The following JAM3 variants were observed in gnomAD, a reference collection of about 807,000 sequenced individuals.
The protein encoded by JAM3 is junctional adhesion molecule C.
JAM3 carries 31 observed loss-of-function variants against 39.4 expected under a neutral mutation model. The ratio of observed to expected loss-of-function variants is 0.79; its 90% CI spans 0.59 to 1.06. The LOEUF is 1.06. Ranked by LOEUF, JAM3 falls within the 50% of genes least tolerant of loss-of-function variation. JAM3 has a pLI of 0.00. For missense variants in JAM3, 455 were observed against 391.4 expected (o/e 1.16, Z -1.37); for synonymous variants, 182 against 148.7 (o/e 1.22, Z -1.63).
chr11:134,127,105 A>G (rs1279095180), intron 1 of JAM3, among the ~76,000 whole-genome samples: 1 of 152,252 alleles, frequency 6.6e-6, no homozygotes, highest in Non-Finnish European at 1.5e-5. Context: ...ATGAAGTCAT[A>G]GGAAGAAGAA....
chr11:134,125,365 C>CA (rs2120793303), intron 1 of JAM3, among the ~76,000 whole-genome samples: 1 of 152,298 alleles, frequency 6.6e-6, no homozygotes, highest in East Asian at 1.9e-4. Context: ...GGGTTTTACT[C>CA]AAACAATGGG....
chr11:134,089,539 A>C (rs1427844898), intron 1 of JAM3, among the ~76,000 whole-genome samples: 4 of 151,840 alleles, frequency 2.6e-5, no homozygotes, highest in Admixed American at 6.6e-5. Context: ...ATTCCCACCT[A>C]TGAGTGAGAA....
In JAM3 at chr11:134,149,803, C is replaced by T; in HGVS notation, c.*622C>T. On this transcript the variant is annotated 3_prime_UTR_variant, in exon 9 of 9. Transcript: ENST00000299106. ...ATTGGTTGCTGGAAGAGGGATCTTG[C>T]CTGAGGAACCCTGCTTGTCCAACAG... 2 of 390,184 alleles carry T rather than the reference C, an allele frequency of 5.1e-6. No individual in the cohort carries two copies. Among genetic ancestry groups the T allele is most frequent in the East Asian group, 7.5e-5 (1 of 13,306 alleles). 24.2% of individuals were successfully genotyped at this position (390,184 alleles called of 1,614,324 possible).
intron 1 of JAM3, among the ~76,000 whole-genome samples, chr11:134,075,912 C>G (rs915507233): frequency 3.9e-5 from 6 of 152,004 alleles, no homozygotes. Context: ...TACTGTTAAC[C>G]TCCTTTGTCA....
In JAM3 at chr11:134,149,741, C is replaced by A. The variant is rs1363748726; in HGVS notation, c.*560C>A. The A allele has an allele frequency of 6.8e-6, 3 of 440,682 alleles. No individual in the cohort carries two copies. The highest frequency in any genetic ancestry group is 2.0e-5 in the African/African-American group (1 of 49,452). The allele number at this position is 440,682 out of a possible 1,614,324, so 27.3% of individuals were successfully genotyped here. The stretch of plus-strand genomic sequence containing the variant: ...TCCATTGTGGAGAAGCTTTTTGGAT[C>A]AGCATTTTGTAAAAACAACCAAAAT... On this transcript the variant is annotated 3_prime_UTR_variant, in exon 9 of 9. Transcript: ENST00000299106.
chr11:134,129,266 G>A (rs545314421), intron 1 of JAM3, among the ~76,000 whole-genome samples: 5 of 151,844 alleles, frequency 3.3e-5, no homozygotes, highest in East Asian at 1.9e-4. Flanking sequence ...ATAGGCACCC[G>A]CCACCATGCC....
intron 1 of JAM3, among the ~76,000 whole-genome samples, chr11:134,134,422 A>C (rs1200688590): frequency 2.1e-4 from 30 of 142,880 alleles, no homozygotes; most frequent in Non-Finnish European, 3.9e-4. Context: ...AAAAAAAAAA[A>C]CATCTAGGCA....
At chr11:134,129,254 C>T (rs1472170782) in intron 1 of JAM3, among the ~76,000 whole-genome samples, 1 of 151,786 alleles carries the variant, frequency 6.6e-6, no homozygotes, top group African/African-American at 2.4e-5. Flanking sequence ...GTAGATGGGA[C>T]TATAGGCACC....
chr11:134,114,298 A>G (rs914951967), intron 1 of JAM3, among the ~76,000 whole-genome samples: 4 of 152,094 alleles, frequency 2.6e-5, no homozygotes, highest in Non-Finnish European at 5.9e-5. Context: ...GTTTTCTTCT[A>G]GGGTTTTTAT....
At chr11:134,089,657 C>CAAA (rs1941807950) in intron 1 of JAM3, among the ~76,000 whole-genome samples, 1 of 152,174 alleles carries the variant, frequency 6.6e-6, no homozygotes, top group African/African-American at 2.4e-5. Context: ...TTTATGGCTG[C>CAAA]ATAGTATTCC....
chr11:134,122,253 T>C (rs938642049), intron 1 of JAM3, among the ~76,000 whole-genome samples: 1 of 152,106 alleles, frequency 6.6e-6, no homozygotes, highest in African/African-American at 2.4e-5. Flanking sequence ...GCTAACAAAA[T>C]GGGAGGCTTA....
intron 1 of JAM3, among the ~76,000 whole-genome samples, chr11:134,107,976 GAAAACA>G (rs1453397855): frequency 6.6e-6 from 1 of 151,854 alleles, no homozygotes; most frequent in African/African-American, 2.4e-5. Flanking sequence ...TGAGACTTCA[GAAAACA>G]AAAACAACAG....
At chr11:134,132,780 C>T (rs540203574) in intron 1 of JAM3, among the ~76,000 whole-genome samples, 8 of 152,218 alleles carry the variant, frequency 5.3e-5, no homozygotes, top group South Asian at 2.1e-4. Context: ...ATAAAACTCA[C>T]GAGAATGTCT....
chr11:134,071,574 C>T (rs1262449108), intron 1 of JAM3, among the ~76,000 whole-genome samples: 1 of 152,126 alleles, frequency 6.6e-6, no homozygotes, highest in Admixed American at 6.6e-5. Flanking sequence ...GTTTCCAAAT[C>T]TTTGATATTC....
Position 134,148,594 on chromosome 11 carries a change from G to C in JAM3, c.760G>C (p.Ala254Pro). The change falls in exon 7 of 9, where the codon GCT (alanine) becomes CCT (proline). Residue 254 changes from alanine (A) to proline (P), a missense_variant. Transcript: ENST00000299106. ...TATTGGGGGGGTTCTGGTTGTCCTT[G>C]CTGTACTGGCCCTGATCACGTTGGG... ...GIIGGVLVVLAVLALITLGIC... is the reference protein window; with the variant it reads ...GIIGGVLVVLPVLALITLGIC... 6.2e-7 allele frequency: 1 copy of C among 1,614,158 alleles called. No homozygotes were observed. The highest frequency in any genetic ancestry group is 1.1e-5 in the South Asian group (1 of 91,080).
In JAM3 at chr11:134,132,721, G is replaced by A. The variant is rs1942790942; in HGVS notation, c.77-7130G>A. Among the ~76,000 whole-genome samples, 3 of 152,252 alleles carry A rather than the reference G, an allele frequency of 2.0e-5. No homozygotes were observed. The South Asian group carries it at 6.2e-4, about 32-fold the overall frequency. The stretch of plus-strand genomic sequence containing the variant: ...CCCCTCCCTATGCCAGGAGTATGGG[G>A]GGATTTTTCTCCCATCTTCACTGAG... On this transcript the variant is annotated intron_variant, in intron 1 of 8. Coordinates refer to ENST00000299106, the MANE Select transcript of JAM3 (RefSeq NM_032801.5).
At chr11:134,075,284 G>A (rs1343232825) in intron 1 of JAM3, among the ~76,000 whole-genome samples, 5 of 152,170 alleles carry the variant, frequency 3.3e-5, no homozygotes, top group Non-Finnish European at 7.3e-5. Flanking sequence ...TCAAAAAGGA[G>A]CTGGACTTGT....
At chr11:134,146,297 T>C (rs1314351157) in intron 6 of JAM3, among the ~76,000 whole-genome samples, 1 of 152,152 alleles carries the variant, frequency 6.6e-6, no homozygotes, top group Non-Finnish European at 1.5e-5. Context: ...CTTGCAACTT[T>C]CACTGCAAGT....
chr11:134,137,739 C>T (rs956004258), intron 1 of JAM3, among the ~76,000 whole-genome samples: 15 of 131,038 alleles, frequency 1.1e-4, no homozygotes, highest in East Asian at 4.7e-4. Flanking sequence ...GGTGGCGTCT[C>T]GTCAAAGTCG....
Sources: gnomAD v4.1 joint callset for allele counts (sites outside exome capture counted in the v4.1 genomes callset) on GRCh38, gnomAD v4.1.1 for gene constraint, MANE v1.5 for transcripts, NCBI Gene and HGNC (gene_info 2026-07-23, HGNC 2026-07-21) for gene names.